LBP: variants seen among roughly 807,000 people sequenced by gnomAD.
The protein encoded by LBP is lipopolysaccharide binding protein.
In LBP, 53 loss-of-function variants were observed where a neutral mutation model predicts 56.6. The observed-to-expected ratio is 0.94, with a 90% confidence interval of 0.75 to 1.18. LBP has a LOEUF of 1.18. LBP is among the 50% of genes most tolerant of loss of function. The pLI is 0.00. For missense variants in LBP, 601 were observed against 598.3 expected (o/e 1.00, Z -0.05); for synonymous variants, 227 against 247.5 (o/e 0.92, Z 0.78).
intron 5 of LBP, among the ~76,000 whole-genome samples, chr20:38,359,721 G>GTTGGACT (rs1293856880): frequency 6.6e-6 from 1 of 152,236 alleles, no homozygotes; most frequent in Admixed American, 6.5e-5. Context: ...GTAGGGCCCA[G>GTTGGACT]TTGGACTTTT....
chr20:38,350,230 C>T (rs1374275052), intron 2 of LBP, among the ~76,000 whole-genome samples: 1 of 152,216 alleles, frequency 6.6e-6, no homozygotes, highest in East Asian at 1.9e-4. Context: ...TGCTGTTGGG[C>T]GTTTCCTTCA....
At chr20:38,364,963 G>A (rs2076875418) in intron 8 of LBP, among the ~76,000 whole-genome samples, 1 of 152,156 alleles carries the variant, frequency 6.6e-6, no homozygotes, top group Non-Finnish European at 1.5e-5. Flanking sequence ...GGCTGGGTGT[G>A]GTGGCTCACG....
At chr20:38,348,167 C>T (rs1051842607) in intron 1 of LBP, among the ~76,000 whole-genome samples, 1 of 152,142 alleles carries the variant, frequency 6.6e-6, no homozygotes, top group African/African-American at 2.4e-5. Flanking sequence ...AACCTGGGCC[C>T]CTCAGATCTC....
At chr20:38,355,085 C>T (rs939308238) in intron 4 of LBP, among the ~76,000 whole-genome samples, 1 of 152,044 alleles carries the variant, frequency 6.6e-6, no homozygotes, top group African/African-American at 2.4e-5. Flanking sequence ...CTGTCCCCCA[C>T]CCCCCCGCAA....
At chr20:38,368,894 C>T in intron 9 of LBP, 101 bp from the exon 10 acceptor site, 3 of 1,225,012 alleles carry the variant, frequency 2.4e-6, no homozygotes, top group Non-Finnish European at 3.5e-6. Context: ...GAAATAAAAT[C>T]AATCGAAAGC....
chr20:38,368,379 C>G (rs1342701728), intron 9 of LBP, among the ~76,000 whole-genome samples: 1 of 152,108 alleles, frequency 6.6e-6, no homozygotes, highest in Non-Finnish European at 1.5e-5. Context: ...GCGGGCAGAT[C>G]ACCTGAGGTC....
At chr20:38,351,046 C>A (rs958549082) in intron 3 of LBP, 107 bp downstream of exon 3, 1 of 1,434,768 alleles carries the variant, frequency 7.0e-7, no homozygotes, top group Non-Finnish European at 9.5e-7. Flanking sequence ...ACGTGATGGA[C>A]AGATGGAGTC....
chr20:38,357,231 G>T (rs11536949), intron 5 of LBP, among the ~76,000 whole-genome samples: 12,297 of 152,196 alleles, frequency 0.081, 583 homozygotes, highest in African/African-American at 0.091. Context: ...GAGGGGTGGA[G>T]TAGCTTTCCC....
chr20:38,370,788 G>A lies in LBP; in HGVS notation c.1200G>A (p.Gly400=). The A allele has an allele frequency of 3.1e-6, 5 of 1,614,004 alleles. No homozygotes were observed. The highest frequency in any genetic ancestry group is 4.2e-6 in the Non-Finnish European group (5 of 1,179,956). Residue 400 remains glycine (G), a synonymous_variant, in exon 11 of 15, where the codon GGG becomes GGA. Coordinates refer to ENST00000217407, the MANE Select transcript of LBP (RefSeq NM_004139.5). ...TLTFNTSKIT[G]FLKPGKVKVE... is the part of the protein sequence containing the mutation. ...CCTTCAATACCAGCAAGATCACTGG[G>A]TTCCTGAAGCCAGGAAAGTAAGTTG... is the stretch of plus-strand genomic sequence containing the variant.
chr20:38,350,651 T>C (rs1374995764), intron 2 of LBP, among the ~76,000 whole-genome samples, 160 bp from the exon 3 acceptor site: 1 of 152,244 alleles, frequency 6.6e-6, no homozygotes, highest in Non-Finnish European at 1.5e-5. Context: ...AGTAACGTGC[T>C]TAGCATGGTC....
chr20:38,350,270 C>G (rs756847990), intron 2 of LBP, among the ~76,000 whole-genome samples: 11 of 152,174 alleles, frequency 7.2e-5, no homozygotes, highest in Admixed American at 2.0e-4. Flanking sequence ...AGTCCATCAG[C>G]AAAAATCTAT....
chr20:38,363,902 C>A, intron 6 of LBP, 73 bp from the exon 7 acceptor site: 1 of 1,085,202 alleles, frequency 9.2e-7, no homozygotes, highest in Non-Finnish European at 1.4e-6. Flanking sequence ...GTGAGTCAGC[C>A]AGAGCCCTTG....
intron 14 of LBP, among the ~76,000 whole-genome samples, chr20:38,375,191 A>G (rs561517842): frequency 1.1e-5 from 1 of 95,016 alleles, no homozygotes; most frequent in South Asian, 3.1e-4. Flanking sequence ...TTTTTGTTTT[A>G]AGGGTTTTTT....
chr20:38,367,647 A>T (rs942493084), intron 9 of LBP, among the ~76,000 whole-genome samples: 1 of 152,200 alleles, frequency 6.6e-6, no homozygotes, highest in Non-Finnish European at 1.5e-5. Context: ...ATGTATATAC[A>T]GGTTCACTAT....
intron 5 of LBP, among the ~76,000 whole-genome samples, chr20:38,356,436 A>ACACACACACACACACC (rs2076840859): frequency 7.1e-6 from 1 of 140,988 alleles, no homozygotes; most frequent in Non-Finnish European, 1.5e-5. Flanking sequence ...ACACACACAC[A>ACACACACACACACACC]CACACACACA....
intron 5 of LBP, among the ~76,000 whole-genome samples, chr20:38,359,323 G>A (rs890309581): frequency 1.1e-4 from 16 of 152,170 alleles, no homozygotes; most frequent in African/African-American, 9.7e-5. Context: ...GCTCATGCCT[G>A]TAATCCCAGC....
At position 38,370,807 on chromosome 20, in the gene LBP, T is replaced by C; in HGVS notation, c.1217+2T>C. 6.2e-7 allele frequency: 1 copy of C among 1,613,518 alleles called. No homozygotes were observed. The highest frequency in any genetic ancestry group is 8.5e-7 in the Non-Finnish European group (1 of 1,179,472). ...CACTGGGTTCCTGAAGCCAGGAAAG[T>C]AAGTTGGCCTCCTACCTACATGGGG... On this transcript the variant is annotated splice_donor_variant, in intron 11 of 14. Coordinates refer to ENST00000217407, the MANE Select transcript of LBP (RefSeq NM_004139.5). LOFTEE classifies it high-confidence loss of function.
intron 2 of LBP, among the ~76,000 whole-genome samples, chr20:38,349,919 G>A (rs1021695418): frequency 6.6e-5 from 10 of 152,074 alleles, no homozygotes; most frequent in African/African-American, 2.4e-4. Flanking sequence ...CTGTAAAATG[G>A]AGTTGATCTA....
chr20:38,350,835 G>A lies in LBP; in HGVS notation c.264G>A (p.Leu88=), dbSNP rs763921613. ...GCCTGAACATCCACAGCTGTGAGCT[G>A]CTTCACTCTGCGCTGAGGCCTGTCC... ...FHSLNIHSCE[L]LHSALRPVPG... Residue 88 remains leucine (L), a synonymous_variant, in exon 3 of 15, where the codon CTG becomes CTA. Transcript: ENST00000217407. The A allele has an allele frequency of 1.2e-6, 2 of 1,612,392 alleles. No homozygotes were observed. Among genetic ancestry groups the A allele is most frequent in the Admixed American group, 1.7e-5 (1 of 60,006 alleles).
Sources: gnomAD v4.1 joint callset for allele counts (sites outside exome capture counted in the v4.1 genomes callset) on GRCh38, gnomAD v4.1.1 for gene constraint, MANE v1.5 for transcripts, NCBI Gene and HGNC (gene_info 2026-07-23, HGNC 2026-07-21) for gene names.